Variants in SLC14A2 observed in about 807,000 individuals in gnomAD.
SLC14A2 encodes urea transporter 2.
Under a neutral mutation model 104.6 loss-of-function variants are expected in SLC14A2, and 91 were observed. That is an observed-to-expected ratio of 0.87 (90% CI 0.73 to 1.04). The LOEUF (loss-of-function observed/expected upper bound fraction) is 1.04. SLC14A2 is among the 50% of genes least tolerant of loss of function. The probability of loss-of-function intolerance (pLI) is 0.00; values close to 1 mark genes in which losing one functional copy is unlikely to be tolerated. For missense variants in SLC14A2, 1,189 were observed against 1,156.0 expected (o/e 1.03, Z -0.41); for synonymous variants, 476 against 466.4 (o/e 1.02, Z -0.27).
chr18:45,428,098 C>T (rs1445970926), intron 1 of SLC14A2, among the ~76,000 whole-genome samples: 1 of 152,248 alleles, frequency 6.6e-6, no homozygotes, highest in East Asian at 1.9e-4. Context: ...AACTCACCCT[C>T]CTAAAAGAGA....
chr18:45,418,517 A>T (rs1270744918), intron 1 of SLC14A2, among the ~76,000 whole-genome samples: 7 of 152,196 alleles, frequency 4.6e-5, no homozygotes, highest in African/African-American at 1.7e-4. Flanking sequence ...GTCTGAGAAA[A>T]GCCAGCATTT....
intron 18 of SLC14A2, among the ~76,000 whole-genome samples, chr18:45,678,651 C>T (rs1051725625): frequency 6.6e-6 from 1 of 152,182 alleles, no homozygotes; most frequent in Non-Finnish European, 1.5e-5. Context: ...CTTGCCTTTG[C>T]CGTATAGTAA....
At chr18:45,197,324 A>G in the SLC14A2 span, among the ~76,000 whole-genome samples, 3 of 152,232 alleles carry the variant, frequency 2.0e-5, no homozygotes, top group African/African-American at 7.2e-5. Flanking sequence ...AGAGAGCTGC[A>G]TGATACATAA....
At chr18:45,362,977 C>G (rs2085628277) in intron 1 of SLC14A2, among the ~76,000 whole-genome samples, 1 of 152,116 alleles carries the variant, frequency 6.6e-6, no homozygotes, top group Non-Finnish European at 1.5e-5. Flanking sequence ...CAACCTCCAG[C>G]ATAACGAAAT....
intron 2 of SLC14A2, among the ~76,000 whole-genome samples, chr18:45,546,072 G>A (rs1031703834): frequency 3.9e-5 from 6 of 152,058 alleles, no homozygotes; most frequent in African/African-American, 4.8e-5. Flanking sequence ...GACTGCCCTC[G>A]TTCCTGCCTC....
At chr18:45,251,963 A>C (rs2084428128) in intron 1 of SLC14A2, among the ~76,000 whole-genome samples, 1 of 152,220 alleles carries the variant, frequency 6.6e-6, no homozygotes, top group Admixed American at 6.5e-5. Context: ...GAGACGCATT[A>C]GCTTGTAGAA....
intron 11 of SLC14A2, among the ~76,000 whole-genome samples, chr18:45,664,222 G>C (rs2045977633): frequency 6.6e-6 from 1 of 152,188 alleles, no homozygotes; most frequent in Non-Finnish European, 1.5e-5. Context: ...GGCATCAGGA[G>C]CTTCTAAAGC....
intron 1 of SLC14A2, chr18:45,435,310 G>A (rs2144562562): frequency 6.6e-6 from 1 of 152,288 alleles, no homozygotes; most frequent in South Asian, 2.1e-4. Context: ...ATGCTAGCAG[G>A]AAGATATTAG....
At chr18:45,545,868 C>T (rs2043960969) in intron 2 of SLC14A2, among the ~76,000 whole-genome samples, 1 of 152,146 alleles carries the variant, frequency 6.6e-6, no homozygotes, top group African/African-American at 2.4e-5. Flanking sequence ...TATATTTTTT[C>T]TTTCAAATTA....
Position 45,587,036 on chromosome 18 carries a change from G to A in SLC14A2, c.-34-37595G>A, listed in dbSNP as rs541082007. Among the ~76,000 whole-genome samples the A allele has an allele frequency of 1.5e-3, 228 of 152,084 alleles. 1 individual carries two copies. The Middle Eastern group carries it at 0.017, about 11-fold the overall frequency. ...AGAGTCTCACTCAGTCACCCAGGCTGGAGTGTAGTTGTGCGATCGCAGCTC... is the reference window on the plus strand; with the variant it reads ...AGAGTCTCACTCAGTCACCCAGGCTAGAGTGTAGTTGTGCGATCGCAGCTC... On this transcript the variant is annotated intron_variant, in intron 2 of 20. Coordinates refer to the SLC14A2 transcript ENST00000586448.
At chr18:45,305,941 TTTAA>T (rs1467783367) in intron 1 of SLC14A2, among the ~76,000 whole-genome samples, 1 of 152,216 alleles carries the variant, frequency 6.6e-6, no homozygotes, top group African/African-American at 2.4e-5. Context: ...GCCACCAAAC[TTTAA>T]TTAGGGAGCA....
chr18:45,240,021 A>G (rs1231038884), intron 1 of SLC14A2, among the ~76,000 whole-genome samples: 1 of 151,594 alleles, frequency 6.6e-6, no homozygotes, highest in African/African-American at 2.4e-5. Flanking sequence ...TCATCAGTGG[A>G]CAATTAGGTT....
intron 8 of SLC14A2, among the ~76,000 whole-genome samples, chr18:45,642,098 C>A (rs574493706): frequency 1.3e-5 from 2 of 152,366 alleles, no homozygotes; most frequent in East Asian, 1.9e-4. Context: ...GAGTCAATCC[C>A]AGCCCCAGCT....
At chr18:45,405,896 C>CG (rs2086149638) in intron 1 of SLC14A2, among the ~76,000 whole-genome samples, 1 of 73,950 alleles carries the variant, frequency 1.4e-5, no homozygotes, top group South Asian at 4.1e-4. Context: ...GACTCCATCT[C>CG]GAAAAAAAAA....
At chr18:45,211,289 A>G (rs1449982543), upstream of SLC14A2, among the ~76,000 whole-genome samples, 1 of 152,140 alleles carries the variant, frequency 6.6e-6, no homozygotes, top group Admixed American at 6.5e-5. Flanking sequence ...CCCCCTTTTA[A>G]ATCCCACAGT....
chr18:45,309,858 T>C (rs2085060697), intron 1 of SLC14A2, among the ~76,000 whole-genome samples: 1 of 152,150 alleles, frequency 6.6e-6, no homozygotes, highest in Admixed American at 6.5e-5. Flanking sequence ...TCCTTTTGCC[T>C]CAGAAGTAAT....
intron 1 of SLC14A2, among the ~76,000 whole-genome samples, chr18:45,270,532 A>G (rs575950504): frequency 4.7e-4 from 72 of 152,228 alleles, no homozygotes; most frequent in African/African-American, 1.7e-3. Context: ...GAGAGGCTAA[A>G]TGACTCATTC....
chr18:45,608,098 G>A (rs1177161163), intron 2 of SLC14A2, among the ~76,000 whole-genome samples: 1 of 152,208 alleles, frequency 6.6e-6, no homozygotes, highest in Non-Finnish European at 1.5e-5. Flanking sequence ...ATTTTTTCTT[G>A]TTCACTGTTG....
chr18:45,208,768 G>A (rs2083936103), upstream of SLC14A2, among the ~76,000 whole-genome samples: 1 of 151,980 alleles, frequency 6.6e-6, no homozygotes, highest in Non-Finnish European at 1.5e-5. Flanking sequence ...GTGTACTTAG[G>A]GAAGACAAAT....
Sources: allele counts gnomAD v4.1 joint callset (sites outside exome capture counted in the v4.1 genomes callset), GRCh38; gene constraint gnomAD v4.1.1; transcripts MANE v1.5; gene names NCBI Gene and HGNC (gene_info 2026-07-23, HGNC 2026-07-21).